The following MSI2 variants were observed in gnomAD, a reference collection of about 807,000 sequenced individuals.
MSI2 encodes musashi RNA binding protein 2, also known as RNA-binding protein Musashi homolog 2.
MSI2 carries 17 observed loss-of-function variants against 45.6 expected under a neutral mutation model. That is an observed-to-expected ratio of 0.37 (90% CI 0.26 to 0.56). The LOEUF (loss-of-function observed/expected upper bound fraction) is 0.56, where lower values mean the gene tolerates loss of function less well. Among genes scored for constraint, MSI2 ranks in the 20% least tolerant of loss-of-function variants. The probability of loss-of-function intolerance (pLI) is 0.77; values close to 1 mark genes in which losing one functional copy is unlikely to be tolerated. For synonymous variants in MSI2, 156 were observed against 158.2 expected (o/e 0.99, Z 0.11); for missense variants, 293 against 444.2 (o/e 0.66, Z 3.06).
chr17:57,632,167 A>G, intron 10 of MSI2: 1 of 1,180,936 alleles, frequency 8.5e-7, no homozygotes, highest in Non-Finnish European at 1.0e-6. Context: ...GAAGACATCA[A>G]ATGTTTTTAA....
intron 7 of MSI2, among the ~76,000 whole-genome samples, chr17:57,534,304 C>A (rs140301907): frequency 6.6e-6 from 1 of 152,258 alleles, no homozygotes; most frequent in Non-Finnish European, 1.5e-5. Flanking sequence ...CCACAACAGC[C>A]TTCTTGCTGG....
At chr17:57,297,570 G>A (rs1016232223) in intron 5 of MSI2, among the ~76,000 whole-genome samples, 2 of 152,182 alleles carry the variant, frequency 1.3e-5, no homozygotes, top group African/African-American at 2.4e-5. Context: ...GGTTGGGGTG[G>A]TTGTGGCAAT....
At chr17:57,419,969 G>A (rs1467843285) in intron 6 of MSI2, among the ~76,000 whole-genome samples, 1 of 152,156 alleles carries the variant, frequency 6.6e-6, no homozygotes, top group Non-Finnish European at 1.5e-5. Context: ...AATCAAGTAT[G>A]GGGTATCCTG....
chr17:57,539,021 AAT>A lies in MSI2; in HGVS notation c.454+9300_454+9301del, dbSNP rs535904069. On this transcript the variant is annotated intron_variant, in intron 7 of 13. Coordinates refer to ENST00000284073, the MANE Select transcript of MSI2 (RefSeq NM_138962.4). The stretch of plus-strand genomic sequence containing the variant: ...AGTCTCTGCCCATACTAAACACTCA[AAT>A]ATGTTTTATGCACACGTGCATATCA... Among the ~76,000 whole-genome samples the A allele has an allele frequency of 3.0e-4, 46 of 152,334 alleles. No homozygotes were observed. The South Asian group carries it at 6.2e-3, about 21-fold the overall frequency.
intron 5 of MSI2, among the ~76,000 whole-genome samples, chr17:57,333,827 C>A (rs192379133): frequency 6.6e-5 from 10 of 152,098 alleles, no homozygotes; most frequent in Admixed American, 6.5e-4. Flanking sequence ...CCTCTAGGAT[C>A]TGCATACTTT....
chr17:57,429,622 A>G (rs898930759), intron 6 of MSI2, among the ~76,000 whole-genome samples: 1 of 151,480 alleles, frequency 6.6e-6, no homozygotes, highest in Non-Finnish European at 1.5e-5. Flanking sequence ...CCACCTCCCC[A>G]CCCCTGGTTA....
intron 7 of MSI2, among the ~76,000 whole-genome samples, chr17:57,569,386 C>T (rs2087817514): frequency 2.0e-5 from 3 of 152,126 alleles, no homozygotes; most frequent in Admixed American, 6.5e-5. Context: ...TGGAGTTTTG[C>T]GGGCAGCTGT....
intron 7 of MSI2, among the ~76,000 whole-genome samples, chr17:57,534,624 A>G (rs2086885954): frequency 6.6e-6 from 1 of 152,146 alleles, no homozygotes; most frequent in African/African-American, 2.4e-5. Flanking sequence ...CTGAGGCAGG[A>G]GAATCGCTTG....
At chr17:57,499,103 CG>C (rs1463370304) in intron 6 of MSI2, among the ~76,000 whole-genome samples, 1 of 152,022 alleles carries the variant, frequency 6.6e-6, no homozygotes, top group Non-Finnish European at 1.5e-5. Flanking sequence ...AGGCCAGACG[CG>C]GTGGCTCATG....
intron 6 of MSI2, among the ~76,000 whole-genome samples, chr17:57,478,279 C>G (rs1050534356): frequency 3.3e-5 from 5 of 152,338 alleles, no homozygotes; most frequent in East Asian, 1.9e-4. Context: ...AAGGCAGAAT[C>G]GATGGCACCT....
chr17:57,675,697 C>T (rs1436318886), intron 12 of MSI2, among the ~76,000 whole-genome samples: 4 of 152,196 alleles, frequency 2.6e-5, no homozygotes, highest in Non-Finnish European at 5.9e-5. Flanking sequence ...GATCCAAGCC[C>T]TCTCCCAGGC....
chr17:57,571,657 G>A (rs952150677), intron 7 of MSI2, among the ~76,000 whole-genome samples: 1 of 152,162 alleles, frequency 6.6e-6, no homozygotes, highest in Non-Finnish European at 1.5e-5. Flanking sequence ...ATACTTCATC[G>A]AATGATAGTA....
chr17:57,559,523 G>A lies in MSI2; in HGVS notation c.454+29799G>A, dbSNP rs116422847. Among the ~76,000 whole-genome samples the A allele has an allele frequency of 6.8e-3, 1,031 of 152,296 alleles. 15 individuals are homozygous for A. Among genetic ancestry groups the A allele is most frequent in the African/African-American group, 0.024 (989 of 41,554 alleles). ...GCAGAGTGACTTTGGCTCCTGCATCGAGTGCTTGTCTCAGCCCCATCCATA... is the reference window on the plus strand; with the variant it reads ...GCAGAGTGACTTTGGCTCCTGCATCAAGTGCTTGTCTCAGCCCCATCCATA... On this transcript the variant is annotated intron_variant, in intron 7 of 13. Coordinates refer to ENST00000284073, the MANE Select transcript of MSI2 (RefSeq NM_138962.4).
At chr17:57,432,894 C>G (rs973417911) in intron 6 of MSI2, among the ~76,000 whole-genome samples, 2 of 152,182 alleles carry the variant, frequency 1.3e-5, no homozygotes, top group African/African-American at 4.8e-5. Context: ...TGATGTGATT[C>G]CTTGTCACGG....
chr17:57,385,458 C>G (rs958458729), intron 5 of MSI2, among the ~76,000 whole-genome samples: 1 of 152,124 alleles, frequency 6.6e-6, no homozygotes, highest in Non-Finnish European at 1.5e-5. Flanking sequence ...TCGAGACGAG[C>G]CTGGCCAACA....
At chr17:57,632,729 C>T in intron 10 of MSI2, 2 of 1,065,962 alleles carry the variant, frequency 1.9e-6, no homozygotes, top group Non-Finnish European at 2.3e-6. Flanking sequence ...TGACGTACCA[C>T]TCAGTTGGAC....
At position 57,576,550 on chromosome 17, in the gene MSI2, G is replaced by A. The variant is rs148363307; in HGVS notation, c.455-20318G>A. 3.3e-3 allele frequency among the ~76,000 whole-genome samples: 496 copies of A among 152,210 alleles called. 4 individuals are homozygous for A. The highest frequency in any genetic ancestry group is 0.011 in the African/African-American group (447 of 41,544). On this transcript the variant is annotated intron_variant, in intron 7 of 13. Coordinates refer to ENST00000284073, the MANE Select transcript of MSI2 (RefSeq NM_138962.4). ...GCAGGTGGATCACCTGAGGTCAGGCGTTTGAGACCACCCTGGCCAATATGG... is the reference window on the plus strand; with the variant it reads ...GCAGGTGGATCACCTGAGGTCAGGCATTTGAGACCACCCTGGCCAATATGG...
At chr17:57,454,479 C>G (rs1398064692) in intron 6 of MSI2, among the ~76,000 whole-genome samples, 1 of 147,968 alleles carries the variant, frequency 6.8e-6, no homozygotes, top group Non-Finnish European at 1.5e-5. Flanking sequence ...GCTCTGTCTC[C>G]AAGCTGGAGT....
Position 57,446,932 on chromosome 17 carries a change from G to T in MSI2, c.405+45461G>T, listed in dbSNP as rs182116534. On this transcript the variant is annotated intron_variant, in intron 6 of 13. Transcript: ENST00000284073. ...ACGCCTTGAAGCTTTGGACTTTATT[G>T]TGTAGCTACACTCACATATGCTTTG... Among the ~76,000 whole-genome samples the T allele has an allele frequency of 8.1e-4, 124 of 152,266 alleles. No homozygotes were observed. The Middle Eastern group carries it at 0.02, about 25-fold the overall frequency.
Sources: gnomAD v4.1 joint callset for allele counts (sites outside exome capture counted in the v4.1 genomes callset) on GRCh38, gnomAD v4.1.1 for gene constraint, MANE v1.5 for transcripts, NCBI Gene and HGNC (gene_info 2026-07-23, HGNC 2026-07-21) for gene names.